GLCCI1: variants seen among roughly 807,000 people sequenced by gnomAD.
The protein encoded by GLCCI1 is glucocorticoid induced 1, also known as glucocorticoid-induced transcript 1 protein.
A neutral mutation model predicts 52.2 loss-of-function variants in GLCCI1; 24 were observed. The ratio of observed to expected loss-of-function variants is 0.46; its 90% CI spans 0.33 to 0.65. The LOEUF (loss-of-function observed/expected upper bound fraction) is 0.65. GLCCI1 is among the 30% of genes least tolerant of loss of function. The probability of loss-of-function intolerance (pLI) is 0.02; values close to 1 mark genes in which losing one functional copy is unlikely to be tolerated. For synonymous variants in GLCCI1, 310 were observed against 276.5 expected (o/e 1.12, Z -1.20); for missense variants, 704 against 701.5 (o/e 1.00, Z -0.04).
intron 1 of GLCCI1, among the ~76,000 whole-genome samples, chr7:7,986,524 CAAAAAAGAA>C (rs969162650): frequency 1.7e-5 from 2 of 120,950 alleles, no homozygotes; most frequent in African/African-American, 3.1e-5. Flanking sequence ...GACTCTGACT[CAAAAAAGAA>C]AAAAAAGAAA....
At chr7:8,005,561 G>A (rs764189679) in intron 2 of GLCCI1, among the ~76,000 whole-genome samples, 8 of 152,134 alleles carry the variant, frequency 5.3e-5, no homozygotes, top group Non-Finnish European at 1.2e-4. Flanking sequence ...AGAAAGTGTT[G>A]GAGCCAGATT....
At chr7:8,006,065 T>C (rs1781142456) in intron 2 of GLCCI1, among the ~76,000 whole-genome samples, 1 of 152,230 alleles carries the variant, frequency 6.6e-6, no homozygotes, top group African/African-American at 2.4e-5. Flanking sequence ...CCCAAAGTGC[T>C]GAGATTACAG....
intron 1 of GLCCI1, among the ~76,000 whole-genome samples, chr7:7,970,873 A>C (rs1018062936): frequency 1.3e-5 from 2 of 151,758 alleles, no homozygotes; most frequent in African/African-American, 4.8e-5. Flanking sequence ...TGGGTGGAAA[A>C]ATCTCTGCTT....
Position 7,969,271 on chromosome 7 carries a change from C to T in GLCCI1, c.-80C>T, listed in dbSNP as rs956123651. On this transcript the variant is annotated 5_prime_UTR_variant, in exon 1 of 8. Transcript: ENST00000223145. The surrounding 1 kb of genome is among the most constrained non-coding windows in gnomAD (Gnocchi z 4.9). ...CCTTACACACTCGCACGCACTATCG[C>T]GCCGGCTCCCACACGCTCGCGCGCC... 1.6e-6 allele frequency: 2 copies of T among 1,247,118 alleles called. No individual in the cohort carries two copies. Among genetic ancestry groups the T allele is most frequent in the South Asian group, 1.7e-5 (1 of 57,886 alleles). 77.3% of individuals were successfully genotyped at this position (1,247,118 alleles called of 1,614,324 possible).
At chr7:7,977,023 C>G (rs1460854099) in intron 1 of GLCCI1, among the ~76,000 whole-genome samples, 3 of 151,924 alleles carry the variant, frequency 2.0e-5, no homozygotes, top group Non-Finnish European at 2.9e-5. Context: ...TACTGAAGAT[C>G]AAATACTTAT....
At chr7:7,979,060 G>C (rs963886328) in intron 1 of GLCCI1, among the ~76,000 whole-genome samples, 5 of 152,282 alleles carry the variant, frequency 3.3e-5, no homozygotes, top group Non-Finnish European at 5.9e-5. Context: ...CTTTATGTCA[G>C]ATCATTTAAG....
At chr7:7,974,177 A>G (rs189226828) in intron 1 of GLCCI1, among the ~76,000 whole-genome samples, 202 of 152,186 alleles carry the variant, frequency 1.3e-3, no homozygotes, top group Non-Finnish European at 2.2e-3. Flanking sequence ...TTACAGAACT[A>G]TTTTTTTCCA....
In GLCCI1 at chr7:8,005,224, T is replaced by C. The variant is rs138192481; in HGVS notation, c.609+1165T>C. Reference sequence around the variant, plus strand: ...TCTAGAGGAGTTAGATTCACAAATATGATAAAATGTAGGTATAGAAAATAA... The same window carrying C: ...TCTAGAGGAGTTAGATTCACAAATACGATAAAATGTAGGTATAGAAAATAA... On this transcript the variant is annotated intron_variant, in intron 2 of 7. Transcript: ENST00000223145. 1.4e-3 allele frequency among the ~76,000 whole-genome samples: 212 copies of C among 151,968 alleles called. 1 individual carries two copies. The highest frequency in any genetic ancestry group is 4.6e-3 in the African/African-American group (189 of 41,454).
At chr7:8,081,043 A>T (rs1340168829) in intron 6 of GLCCI1, among the ~76,000 whole-genome samples, 1 of 152,118 alleles carries the variant, frequency 6.6e-6, no homozygotes, top group African/African-American at 2.4e-5. Flanking sequence ...TTTTATAGAT[A>T]AAAAAACAGA....
At chr7:8,008,612 T>C (rs1295135807) in intron 2 of GLCCI1, among the ~76,000 whole-genome samples, 1 of 152,146 alleles carries the variant, frequency 6.6e-6, no homozygotes, top group Non-Finnish European at 1.5e-5. Context: ...TATGTCTTAA[T>C]AGAAGTTTGG....
intron 3 of GLCCI1, among the ~76,000 whole-genome samples, chr7:8,047,807 A>T (rs1474860732): frequency 6.6e-6 from 1 of 152,232 alleles, no homozygotes; most frequent in Non-Finnish European, 1.5e-5. Context: ...TCTGCCCATG[A>T]TAGAAAATTA....
chr7:7,997,903 G>C (rs1329962812), intron 1 of GLCCI1, among the ~76,000 whole-genome samples: 1 of 150,216 alleles, frequency 6.7e-6, no homozygotes, highest in African/African-American at 2.5e-5. Flanking sequence ...CTCCAGCCTG[G>C]GTGACAGAGT....
chr7:8,033,133 T>C (rs1011301939), intron 3 of GLCCI1, among the ~76,000 whole-genome samples: 2 of 151,752 alleles, frequency 1.3e-5, no homozygotes, highest in African/African-American at 4.8e-5. Flanking sequence ...ATTATATTAA[T>C]AGAATAAAGG....
At chr7:7,975,682 TA>T (rs1216861530) in intron 1 of GLCCI1, among the ~76,000 whole-genome samples, 3 of 152,246 alleles carry the variant, frequency 2.0e-5, no homozygotes, top group Non-Finnish European at 4.4e-5. Context: ...ATGTGAGACC[TA>T]GTTTGTTGAA....
intron 3 of GLCCI1, among the ~76,000 whole-genome samples, chr7:8,052,928 G>A (rs1423154360): frequency 6.6e-6 from 1 of 152,058 alleles, no homozygotes; most frequent in East Asian, 1.9e-4. Context: ...TTCATTCTGA[G>A]AAAGATTTCT....
intron 1 of GLCCI1, chr7:7,980,415 T>G: frequency 4.2e-6 from 1 of 240,888 alleles, no homozygotes; most frequent in South Asian, 9.3e-5. Flanking sequence ...GGTACCACAG[T>G]TTAATGGCAT....
chr7:8,024,041 C>T (rs1781559248), intron 3 of GLCCI1, among the ~76,000 whole-genome samples: 1 of 152,146 alleles, frequency 6.6e-6, no homozygotes, highest in African/African-American at 2.4e-5. Flanking sequence ...CCCTCTGGAT[C>T]AATATTGAGT....
intron 1 of GLCCI1, among the ~76,000 whole-genome samples, chr7:7,997,706 TCA>T (rs1780961639): frequency 6.6e-6 from 1 of 152,088 alleles, no homozygotes; most frequent in South Asian, 2.1e-4. Context: ...GGCAGGCAGA[TCA>T]CCTGAGGTCA....
At chr7:8,004,139 C>A in intron 2 of GLCCI1, 80 bp downstream of exon 2, 2 of 1,218,598 alleles carry the variant, frequency 1.6e-6, no homozygotes, top group Admixed American at 2.4e-5. Flanking sequence ...GTAATATAAT[C>A]AAATTTCCCC....
Sources: gnomAD v4.1 joint callset for allele counts (sites outside exome capture counted in the v4.1 genomes callset) on GRCh38, gnomAD v4.1.1 for gene constraint, Gnocchi (gnomAD v3.1) non-coding constraint, MANE v1.5 for transcripts, NCBI Gene and HGNC (gene_info 2026-07-23, HGNC 2026-07-21) for gene names.